PRR16: variants seen among roughly 807,000 people sequenced by gnomAD.
The protein encoded by PRR16 is protein Largen.
Under a neutral mutation model 18.2 loss-of-function variants are expected in PRR16, and 6 were observed. That is an observed-to-expected ratio of 0.33 (90% CI 0.18 to 0.65). The LOEUF (loss-of-function observed/expected upper bound fraction) is 0.65. Ranked by LOEUF, PRR16 falls within the 30% of genes least tolerant of loss-of-function variation. The pLI, the probability that PRR16 is intolerant of heterozygous loss-of-function variation, is 0.74. For synonymous variants in PRR16, 151 were observed against 147.8 expected (o/e 1.02, Z -0.16); for missense variants, 412 against 376.6 (o/e 1.09, Z -0.78).
intron 1 of PRR16, among the ~76,000 whole-genome samples, chr5:120,557,564 TA>T (rs1386794714): frequency 6.6e-6 from 1 of 151,874 alleles, no homozygotes; most frequent in Non-Finnish European, 1.5e-5. Flanking sequence ...TGGGTTCAAA[TA>T]ATTCACCCTG....
At chr5:120,593,346 A>G (rs553903319) in intron 1 of PRR16, among the ~76,000 whole-genome samples, 62 of 152,194 alleles carry the variant, frequency 4.1e-4, no homozygotes, top group African/African-American at 1.4e-3. Context: ...AGAGATACAA[A>G]TAATCACTAG....
chr5:120,655,388 T>TAAAA (rs1554092374), intron 1 of PRR16, among the ~76,000 whole-genome samples: 4 of 143,576 alleles, frequency 2.8e-5, no homozygotes, highest in Non-Finnish European at 3.0e-5. Flanking sequence ...TTTTTTTTTT[T>TAAAA]AAAAAAAAAG....
chr5:120,764,605 C>T, the PRR16 span, among the ~76,000 whole-genome samples: 52 of 151,850 alleles, frequency 3.4e-4, 1 homozygote, highest in African/African-American at 9.2e-4. Flanking sequence ...GGATAACATA[C>T]GATGAAGATT....
At chr5:120,750,949 C>G in the PRR16 span, among the ~76,000 whole-genome samples, 2 of 152,154 alleles carry the variant, frequency 1.3e-5, no homozygotes, top group African/African-American at 4.8e-5. Context: ...CTCCCTACCA[C>G]ATTTTCCAGC....
the PRR16 span, among the ~76,000 whole-genome samples, chr5:120,723,328 A>G: frequency 1.3e-5 from 2 of 151,964 alleles, no homozygotes; most frequent in Non-Finnish European, 2.9e-5. Context: ...TGCAATTTCA[A>G]TTGTGCTTTT....
the PRR16 span, among the ~76,000 whole-genome samples, chr5:120,729,199 G>A: frequency 1.3e-5 from 2 of 152,044 alleles, no homozygotes; most frequent in Non-Finnish European, 2.9e-5. Context: ...CTTAAGGAAG[G>A]ACTCAATATT....
At chr5:120,579,136 A>G (rs1753177703) in intron 1 of PRR16, among the ~76,000 whole-genome samples, 1 of 151,986 alleles carries the variant, frequency 6.6e-6, no homozygotes, top group South Asian at 2.1e-4. Context: ...AGTTCCTTGT[A>G]AATTCTGGAT....
At chr5:120,751,899 GCCT>G in the PRR16 span, among the ~76,000 whole-genome samples, 4 of 151,934 alleles carry the variant, frequency 2.6e-5, no homozygotes, top group Non-Finnish European at 4.4e-5. Context: ...ATTTAAGTTT[GCCT>G]CCTCAGAATT....
At chr5:120,668,569 G>A (rs1385922465) in intron 1 of PRR16, among the ~76,000 whole-genome samples, 2 of 152,070 alleles carry the variant, frequency 1.3e-5, no homozygotes, top group Non-Finnish European at 2.9e-5. Flanking sequence ...TTACATTTTG[G>A]CATGATTTTG....
chr5:120,784,154 T>C, the PRR16 span, among the ~76,000 whole-genome samples: 24 of 152,218 alleles, frequency 1.6e-4, no homozygotes, highest in Non-Finnish European at 3.2e-4. Flanking sequence ...TTGTGAGTAG[T>C]GCTGCAATAA....
Position 120,579,518 on chromosome 5 carries a change from C to T in PRR16, c.160-106436C>T, listed in dbSNP as rs114040012. On this transcript the variant is annotated intron_variant, in intron 1 of 1. Coordinates refer to ENST00000407149, the MANE Select transcript of PRR16 (RefSeq NM_001300783.2). ...ATTTACTGATTAGGAGATCCTTTCCCGTTTGCTTGTATTTGTCAAGTTTGT... is the reference window on the plus strand; with the variant it reads ...ATTTACTGATTAGGAGATCCTTTCCTGTTTGCTTGTATTTGTCAAGTTTGT... 4.4e-3 allele frequency among the ~76,000 whole-genome samples: 665 copies of T among 152,214 alleles called. 4 individuals carry two copies. Among genetic ancestry groups the T allele is most frequent in the African/African-American group, 0.015 (637 of 41,544 alleles).
At chr5:120,751,804 G>A in the PRR16 span, among the ~76,000 whole-genome samples, 1 of 151,980 alleles carries the variant, frequency 6.6e-6, no homozygotes, top group African/African-American at 2.4e-5. Context: ...GGGGGTGGGT[G>A]GAAGTACTTT....
chr5:120,670,388 A>T (rs1017648329), intron 1 of PRR16, among the ~76,000 whole-genome samples: 2 of 152,156 alleles, frequency 1.3e-5, no homozygotes, highest in Non-Finnish European at 2.9e-5. Context: ...TCAATTTTCA[A>T]AATCTCTTGG....
chr5:120,607,652 A>G (rs78351789), intron 1 of PRR16, among the ~76,000 whole-genome samples: 8 of 152,108 alleles, frequency 5.3e-5, no homozygotes, highest in Non-Finnish European at 7.4e-5. Context: ...GCAATTTCCT[A>G]CCAGAGCTTC....
intron 1 of PRR16, among the ~76,000 whole-genome samples, chr5:120,517,779 G>A (rs1260666684): frequency 2.0e-5 from 3 of 152,220 alleles, no homozygotes; most frequent in Non-Finnish European, 4.4e-5. Context: ...CTAAAGGGAG[G>A]GGCCAGTGTG....
the PRR16 span, among the ~76,000 whole-genome samples, chr5:120,737,267 A>G: frequency 1.7e-5 from 2 of 115,800 alleles, no homozygotes; most frequent in African/African-American, 6.5e-5. Flanking sequence ...ATATGGCTTT[A>G]GTGGGTTGAA....
chr5:120,793,014 C>T, the PRR16 span, among the ~76,000 whole-genome samples: 70 of 148,986 alleles, frequency 4.7e-4, no homozygotes, highest in African/African-American at 1.7e-3. Context: ...TAGGTGGCTA[C>T]GGTGGTGGGT....
At chr5:120,470,624 T>A (rs1749237310) in intron 1 of PRR16, among the ~76,000 whole-genome samples, 1 of 152,174 alleles carries the variant, frequency 6.6e-6, no homozygotes, top group African/African-American at 2.4e-5. Flanking sequence ...TTATTAAACG[T>A]CACTAGAAAG....
At chr5:120,684,439 C>G (rs902454517) in intron 1 of PRR16, among the ~76,000 whole-genome samples, 1 of 152,124 alleles carries the variant, frequency 6.6e-6, no homozygotes, top group Non-Finnish European at 1.5e-5. Context: ...GAGCCAACTT[C>G]ACAGTTGATT....
Sources: allele counts gnomAD v4.1 joint callset (sites outside exome capture counted in the v4.1 genomes callset), GRCh38; gene constraint gnomAD v4.1.1; transcripts MANE v1.5; gene names NCBI Gene and HGNC (gene_info 2026-07-23, HGNC 2026-07-21).